CACNA2D3: variants seen among roughly 807,000 people sequenced by gnomAD.
CACNA2D3 encodes calcium voltage-gated channel auxiliary subunit alpha2delta 3, also known as voltage-dependent calcium channel subunit alpha-2/delta-3.
CACNA2D3 carries 60 observed loss-of-function variants against 160.6 expected under a neutral mutation model. That is an observed-to-expected ratio of 0.37 (90% CI 0.30 to 0.46). CACNA2D3 has a LOEUF of 0.46. Among genes scored for constraint, CACNA2D3 ranks in the 20% least tolerant of loss-of-function variants. CACNA2D3 has a pLI of 1.00. For synonymous variants in CACNA2D3, 558 were observed against 492.9 expected, an observed-to-expected ratio of 1.13 and a Z score of -1.75; for missense variants, 1,205 against 1,365.0, an observed-to-expected ratio of 0.88 and a Z score of 1.85.
At chr3:54,341,021 C>T (rs1698331793) in intron 3 of CACNA2D3, among the ~76,000 whole-genome samples, 1 of 152,220 alleles carries the variant, frequency 6.6e-6, no homozygotes, top group Non-Finnish European at 1.5e-5. Context: ...GTCCCCTCAC[C>T]TAGACTGCTC....
intron 2 of CACNA2D3, among the ~76,000 whole-genome samples, chr3:54,203,268 G>A (rs910999663): frequency 6.6e-6 from 1 of 152,156 alleles, no homozygotes; most frequent in African/African-American, 2.4e-5. Context: ...CAGGGCGTGC[G>A]ATGGGGGTGT....
chr3:54,749,531 TA>T (rs1470123127), intron 11 of CACNA2D3, among the ~76,000 whole-genome samples: 1 of 152,148 alleles, frequency 6.6e-6, no homozygotes, highest in Admixed American at 6.6e-5. Context: ...AGCTATAAGA[TA>T]AATGCCTGAG....
intron 4 of CACNA2D3, among the ~76,000 whole-genome samples, chr3:54,405,119 C>T (rs1195128021): frequency 6.6e-6 from 1 of 151,566 alleles, no homozygotes. Flanking sequence ...CTATACTATA[C>T]TGTACTGTAC....
intron 2 of CACNA2D3, among the ~76,000 whole-genome samples, chr3:54,276,056 G>A (rs1702731694): frequency 6.6e-6 from 1 of 152,104 alleles, no homozygotes; most frequent in Non-Finnish European, 1.5e-5. Flanking sequence ...AAAAATCAGG[G>A]TTGGATTCTT....
intron 27 of CACNA2D3, among the ~76,000 whole-genome samples, chr3:54,960,050 GAC>G (rs1701993729): frequency 6.9e-6 from 1 of 145,944 alleles, no homozygotes; most frequent in South Asian, 2.2e-4. Flanking sequence ...TACCAAAGGT[GAC>G]AGTTCCGAGA....
At chr3:54,491,213 A>G (rs1351832341) in intron 4 of CACNA2D3, among the ~76,000 whole-genome samples, 1 of 152,152 alleles carries the variant, frequency 6.6e-6, no homozygotes, top group East Asian at 1.9e-4. Flanking sequence ...TGGTGCATTG[A>G]TGTGAGAGAA....
intron 2 of CACNA2D3, among the ~76,000 whole-genome samples, chr3:54,272,617 G>C (rs527892279): frequency 1.1e-4 from 17 of 152,182 alleles, no homozygotes; most frequent in African/African-American, 4.1e-4. Flanking sequence ...GCTTGTCCCA[G>C]ACACAGCTGG....
At chr3:54,789,570 C>G (rs561645924) in intron 13 of CACNA2D3, among the ~76,000 whole-genome samples, 10 of 152,312 alleles carry the variant, frequency 6.6e-5, no homozygotes, top group African/African-American at 2.4e-4. Flanking sequence ...TGGGAAAATC[C>G]ATGAAGCTAT....
chr3:54,539,025 A>G (rs1701930141), intron 5 of CACNA2D3, among the ~76,000 whole-genome samples: 1 of 152,150 alleles, frequency 6.6e-6, no homozygotes, highest in African/African-American at 2.4e-5. Flanking sequence ...CTGTAAAATG[A>G]GAATTACATT....
Position 55,072,050 on chromosome 3 carries a change from G to A in CACNA2D3, c.2988-1395G>A, listed in dbSNP as rs369800094. Among the ~76,000 whole-genome samples the A allele has an allele frequency of 1.1e-4, 16 of 152,344 alleles. No individual in the cohort carries two copies. In the East Asian group the frequency reaches 2.1e-3, roughly 20 times the overall value. On this transcript the variant is annotated intron_variant, in intron 35 of 37. Transcript: ENST00000474759. ...TCTTGCATAGGCAAGAAAGAGTCTA[G>A]TGTTAAAGAGGGAAGGTAAAGAAGA...
In CACNA2D3 at chr3:54,846,458, C is replaced by A; in HGVS notation, c.1617C>A (p.Leu539=). Residue 539 remains leucine, a synonymous_variant, in exon 17 of 38, where the codon CTC becomes CTA. Transcript: ENST00000474759. Reference sequence around the variant, plus strand: ...GATATATCCTGACGCATCCGGAACTCAGGCTGCTGGTAAGAGAAATTATGT... The same window carrying A: ...GATATATCCTGACGCATCCGGAACTAAGGCTGCTGGTAAGAGAAATTATGT... ...NNGYILTHPE[L]RLLYEEGKKR... The A allele has an allele frequency of 6.3e-7, 1 of 1,594,822 alleles. No homozygotes were observed. The highest frequency in any genetic ancestry group is 8.6e-7 in the Non-Finnish European group (1 of 1,167,752).
intron 4 of CACNA2D3, among the ~76,000 whole-genome samples, chr3:54,446,597 T>G (rs1002551094): frequency 6.6e-6 from 1 of 152,150 alleles, no homozygotes; most frequent in South Asian, 2.1e-4. Context: ...TTTTGTGTCC[T>G]TTTTTTCCCT....
chr3:54,970,598 C>G (rs1356398907), intron 29 of CACNA2D3, among the ~76,000 whole-genome samples: 1 of 115,448 alleles, frequency 8.7e-6, no homozygotes, highest in Non-Finnish European at 1.8e-5. Context: ...CCTCTCCTCT[C>G]CCCTCCCCTC....
intron 27 of CACNA2D3, among the ~76,000 whole-genome samples, chr3:54,965,962 G>A (rs1702139822): frequency 1.3e-5 from 2 of 152,168 alleles, no homozygotes; most frequent in African/African-American, 4.8e-5. Context: ...TGATTAATGG[G>A]ATGGAGGGAC....
Position 54,278,154 on chromosome 3 carries a change from A to G in CACNA2D3, c.205-42288A>G, listed in dbSNP as rs565566353. Among the ~76,000 whole-genome samples, 12 of 152,366 alleles carry G rather than the reference A, an allele frequency of 7.9e-5. No individual in the cohort carries two copies. In the East Asian group the frequency reaches 2.3e-3, roughly 29 times the overall value. ...AGTTAAACAAATTTACTAGAAAAAA[A>G]CAACCCCATCAAAAAGTGGGCAAAG... On this transcript the variant is annotated intron_variant, in intron 2 of 37. Transcript: ENST00000474759.
chr3:54,274,404 T>A (rs918483873), intron 2 of CACNA2D3, among the ~76,000 whole-genome samples: 3 of 152,160 alleles, frequency 2.0e-5, no homozygotes, highest in African/African-American at 7.2e-5. Flanking sequence ...AGTGCAAGTC[T>A]CCTCAGACAC....
intron 17 of CACNA2D3, among the ~76,000 whole-genome samples, chr3:54,867,754 T>C (rs997391748): frequency 6.6e-6 from 1 of 152,174 alleles, no homozygotes; most frequent in Non-Finnish European, 1.5e-5. Context: ...CAAGCTCCCA[T>C]CCTGGCACCT....
At chr3:54,182,914 G>A (rs1190353493) in intron 2 of CACNA2D3, among the ~76,000 whole-genome samples, 1 of 152,192 alleles carries the variant, frequency 6.6e-6, no homozygotes, top group African/African-American at 2.4e-5. Context: ...TAATCTATCA[G>A]ACATTGGGTG....
At chr3:55,003,828 GTA>G (rs1410279784) in intron 31 of CACNA2D3, among the ~76,000 whole-genome samples, 1 of 152,168 alleles carries the variant, frequency 6.6e-6, no homozygotes, top group Non-Finnish European at 1.5e-5. Context: ...AAAGGCAATT[GTA>G]TTCCTCTTTG....
Sources: gnomAD v4.1 joint callset for allele counts (sites outside exome capture counted in the v4.1 genomes callset) on GRCh38, gnomAD v4.1.1 for gene constraint, MANE v1.5 for transcripts, NCBI Gene and HGNC (gene_info 2026-07-23, HGNC 2026-07-21) for gene names.